DCN: variants seen among roughly 807,000 people sequenced by gnomAD.
DCN encodes bone proteoglycan II.
A neutral mutation model predicts 36.5 loss-of-function variants in DCN; 17 were observed. The observed-to-expected ratio is 0.47, with a 90% confidence interval of 0.32 to 0.70. DCN has a LOEUF of 0.70. DCN is among the 30% of genes least tolerant of loss of function. The pLI is 0.04. For missense variants in DCN, 389 were observed against 430.1 expected, an observed-to-expected ratio of 0.90 and a Z score of 0.84; for synonymous variants, 163 against 161.4, an observed-to-expected ratio of 1.01 and a Z score of -0.07.
rs149854601 is a variant in DCN at position 91,144,647 on chromosome 12, C to G, written c.*1411G>C. On this transcript the variant is annotated 3_prime_UTR_variant, in exon 8 of 8. Transcript: ENST00000052754. The stretch of plus-strand genomic sequence containing the variant: ...GAAGAAAAATAGTTTGATTAAGCCT[C>G]CTTTATGCCAACCTGTCAGAGGTGT... 3 of 152,202 alleles carry G rather than the reference C, an allele frequency of 2.0e-5. No individual in the cohort carries two copies. Among genetic ancestry groups the G allele is most frequent in the African/African-American group, 7.2e-5 (3 of 41,518 alleles). 9.4% of individuals were successfully genotyped at this position (152,202 alleles called of 1,614,324 possible). A position where few individuals can be genotyped will look rare whatever the true frequency, so the allele number is the denominator to read the frequency against.
At chr12:91,173,879 C>A (rs892374188) in intron 2 of DCN, among the ~76,000 whole-genome samples, 1 of 152,126 alleles carries the variant, frequency 6.6e-6, no homozygotes, top group Non-Finnish European at 1.5e-5. Context: ...TAACTTCTGA[C>A]AAAATTTTTC....
At chr12:91,172,185 A>G (rs1216527201) in intron 2 of DCN, 1 of 152,162 alleles carries the variant, frequency 6.6e-6, no homozygotes, top group African/African-American at 2.4e-5. Context: ...GGTTATCCCA[A>G]TGATGAATAG....
intron 3 of DCN, among the ~76,000 whole-genome samples, chr12:91,162,044 G>A (rs527449777): frequency 6.6e-6 from 1 of 151,826 alleles, no homozygotes; most frequent in East Asian, 1.9e-4. Context: ...GGGTTCAAGC[G>A]ATTCTCCTGC....
rs887702686 is a variant in DCN, at chr12:91,157,109, G to A, written c.618C>T (p.Arg206=). The change falls in exon 5 of 8, where the codon CGC becomes CGT. Residue 206 remains arginine, a synonymous_variant. Transcript: ENST00000052754. ...FQGMKKLSYI[R]IADTNITSIP... is the part of the protein sequence containing the mutation. ...TGCTGGTGATATTGGTATCAGCAATGCGGATGTAGGAGAGCTTCTTCATTC... is the reference window on the plus strand; with the variant it reads ...TGCTGGTGATATTGGTATCAGCAATACGGATGTAGGAGAGCTTCTTCATTC... The A allele has an allele frequency of 1.2e-5, 19 of 1,612,118 alleles. No homozygotes were observed. The highest frequency in any genetic ancestry group is 1.6e-5 in the Non-Finnish European group (19 of 1,178,356).
At chr12:91,171,047 A>G (rs1197712396) in intron 2 of DCN, among the ~76,000 whole-genome samples, 1 of 152,164 alleles carries the variant, frequency 6.6e-6, no homozygotes, top group Non-Finnish European at 1.5e-5. Context: ...AATGATATAA[A>G]AAGTAAAATG....
intron 2 of DCN, among the ~76,000 whole-genome samples, chr12:91,171,802 C>A (rs1262987614): frequency 6.6e-6 from 1 of 152,204 alleles, no homozygotes; most frequent in Non-Finnish European, 1.5e-5. Context: ...CAAGTGAGAA[C>A]AGCCCTTCAG....
chr12:91,142,418 C>A lies in DCN; in HGVS notation c.*3640G>T, dbSNP rs1880782378. On this transcript the variant is annotated 3_prime_UTR_variant, in exon 8 of 8. Transcript: ENST00000052754. ...TCGTATAAAGATAAGATTATGATAT[C>A]CTGCAGCTGCCTCTGCAATAAAATT... The A allele has an allele frequency of 6.6e-6, 1 of 152,156 alleles. No individual in the cohort carries two copies. Among genetic ancestry groups the A allele is most frequent in the Non-Finnish European group, 1.5e-5 (1 of 68,030 alleles). 9.4% of individuals were successfully genotyped at this position (152,156 alleles called of 1,614,324 possible).
At chr12:91,173,941 G>T (rs1883134963) in intron 2 of DCN, among the ~76,000 whole-genome samples, 1 of 151,998 alleles carries the variant, frequency 6.6e-6, no homozygotes, top group Non-Finnish European at 1.5e-5. Context: ...TAATTTAAAA[G>T]GTTGTACTTT....
At chr12:91,149,275 T>TA (rs1257274927) in intron 7 of DCN, among the ~76,000 whole-genome samples, 1 of 152,166 alleles carries the variant, frequency 6.6e-6, no homozygotes, top group Non-Finnish European at 1.5e-5. Flanking sequence ...CTCAGGGTTG[T>TA]AAAATTGGTT....
chr12:91,150,348 C>G (rs1592679820), intron 7 of DCN, among the ~76,000 whole-genome samples: 1 of 152,116 alleles, frequency 6.6e-6, no homozygotes, highest in Admixed American at 6.5e-5. Context: ...ATTGCTATCA[C>G]ATACAGAAAA....
intron 3 of DCN, among the ~76,000 whole-genome samples, chr12:91,161,910 A>G (rs1297134090): frequency 6.6e-6 from 1 of 151,924 alleles, no homozygotes; most frequent in Non-Finnish European, 1.5e-5. Flanking sequence ...TGGACACGTC[A>G]ATAAATTGAT....
intron 2 of DCN, chr12:91,176,329 G>A (rs560565267): frequency 1.3e-5 from 2 of 152,140 alleles, no homozygotes; most frequent in South Asian, 2.1e-4. Flanking sequence ...ATATGAGTCA[G>A]TAAACCTAGC....
At position 91,182,684 on chromosome 12, in the gene DCN, C is replaced by T. The variant is rs1441589112; in HGVS notation, c.-63G>A. Reference sequence around the variant, plus strand: ...TAATCCGGGAATTTGCCACAGGAGCCCTCAAAGCTGAGATGTAATTACACT... The same window carrying T: ...TAATCCGGGAATTTGCCACAGGAGCTCTCAAAGCTGAGATGTAATTACACT... On this transcript the variant is annotated 5_prime_UTR_variant, in exon 1 of 8. Transcript: ENST00000052754. 3 of 151,850 alleles carry T rather than the reference C, an allele frequency of 2.0e-5. No individual in the cohort carries two copies. Among genetic ancestry groups the T allele is most frequent in the Non-Finnish European group, 4.4e-5 (3 of 67,944 alleles). The allele number at this position is 151,850 out of a possible 1,614,324, so 9.4% of individuals were successfully genotyped here. A position where few individuals can be genotyped will look rare whatever the true frequency, so the allele number is the denominator to read the frequency against.
In DCN at chr12:91,182,546, G is replaced by GA. The variant is rs888447358; in HGVS notation, c.-34+108_-34+109insT. ...GCATAAAAACTATAAAAGTTTAACAGTTTTTTTTTTCCTTTTCTTTTTCTC... is the reference window on the plus strand; with the variant it reads ...GCATAAAAACTATAAAAGTTTAACAGATTTTTTTTTTCCTTTTCTTTTTCTC... On this transcript the variant is annotated intron_variant, in intron 1 of 7. Transcript: ENST00000052754. 18 of 149,490 alleles carry GA rather than the reference G, an allele frequency of 1.2e-4. No homozygotes were observed. In the East Asian group the frequency reaches 3.3e-3, roughly 28 times the overall value. The allele number at this position is 149,490 out of a possible 1,614,324, so 9.3% of individuals were successfully genotyped here.
In DCN at chr12:91,153,113, T is replaced by C. The variant is rs779957387; in HGVS notation, c.729A>G (p.Gly243=). 1 of 1,600,602 alleles carries C rather than the reference T, an allele frequency of 6.2e-7. No individual in the cohort carries two copies. The highest frequency in any genetic ancestry group is 8.6e-7 in the Non-Finnish European group (1 of 1,167,804). Residue 243 remains glycine (G), a synonymous_variant, in exon 6 of 8, where the codon GGA becomes GGG. Transcript: ENST00000052754. ...ATTATTACTTAGCCAAATTATTCAG[T>C]CCTTTCAGGCTAGCTGCATCAACTC... is the stretch of plus-strand genomic sequence containing the variant. The part of the protein sequence containing the change: ...ISRVDAASLK[G]LNNLAKLGLS...
At chr12:91,164,400 CAAAAAAAA>C (rs5799980) in intron 3 of DCN, among the ~76,000 whole-genome samples, 197 bp downstream of exon 3, 3 of 78,920 alleles carry the variant, frequency 3.8e-5, no homozygotes, top group Non-Finnish European at 6.6e-5. Flanking sequence ...AAGCATAATT[CAAAAAAAA>C]AAAAAAAAAG....
chr12:91,155,673 C>G (rs747827556), intron 5 of DCN, among the ~76,000 whole-genome samples: 14 of 152,000 alleles, frequency 9.2e-5, no homozygotes, highest in Non-Finnish European at 1.8e-4. Flanking sequence ...CAATTTATAT[C>G]TATCTGAGAT....
At chr12:91,179,837 T>C (rs1416067596) in intron 1 of DCN, 2 of 152,190 alleles carry the variant, frequency 1.3e-5, no homozygotes, top group Non-Finnish European at 2.9e-5. Context: ...TTTAATAAGC[T>C]AATAAACACA....
chr12:91,162,801 T>G (rs531695027), intron 3 of DCN, among the ~76,000 whole-genome samples: 1 of 152,352 alleles, frequency 6.6e-6, no homozygotes, highest in South Asian at 2.1e-4. Flanking sequence ...TTCTGTCATC[T>G]TGTAGTTGAA....
Sources: allele counts gnomAD v4.1 joint callset (sites outside exome capture counted in the v4.1 genomes callset), GRCh38; gene constraint gnomAD v4.1.1; transcripts MANE v1.5; gene names NCBI Gene and HGNC (gene_info 2026-07-23, HGNC 2026-07-21).